DLGAP1: variants seen among roughly 807,000 people sequenced by gnomAD.
DLGAP1 encodes DLG associated protein 1, also known as disks large-associated protein 1.
A neutral mutation model predicts 90.8 loss-of-function variants in DLGAP1; 11 were observed. The observed-to-expected ratio is 0.12, with a 90% CI of 0.08 to 0.20. The LOEUF is 0.20. Ranked by LOEUF, DLGAP1 falls within the 10% of genes least tolerant of loss-of-function variation. DLGAP1 has a pLI of 1.00. For synonymous variants in DLGAP1, 558 were observed against 540.7 expected, an observed-to-expected ratio of 1.03 and a Z score of -0.44; for missense variants, 1,050 against 1,333.8, an observed-to-expected ratio of 0.79 and a Z score of 3.31.
intron 5 of DLGAP1, among the ~76,000 whole-genome samples, chr18:3,751,358 G>A (rs915557752): frequency 1.3e-5 from 2 of 150,178 alleles, no homozygotes; most frequent in African/African-American, 2.5e-5. Context: ...GTGCAATGGT[G>A]CTATCACAGC....
At chr18:4,092,604 G>A (rs2075787812) in intron 2 of DLGAP1, among the ~76,000 whole-genome samples, 1 of 152,088 alleles carries the variant, frequency 6.6e-6, no homozygotes, top group Non-Finnish European at 1.5e-5. Flanking sequence ...TAACCAAAAT[G>A]GGTCATACTT....
chr18:3,631,137 C>T (rs555494399), intron 7 of DLGAP1, among the ~76,000 whole-genome samples: 7 of 151,742 alleles, frequency 4.6e-5, no homozygotes, highest in South Asian at 2.1e-4. Flanking sequence ...TGTGCCAGCA[C>T]GCCCAGTTAA....
Position 3,858,691 on chromosome 18 carries a change from A to G in DLGAP1, c.957+20421T>C, listed in dbSNP as rs1034376370. Reference sequence around the variant, plus strand: ...CTGATAAAAATTTCAAATAAGAAGCAGCAAATATGTTACTCATAGGCAAAG... The same window carrying G: ...CTGATAAAAATTTCAAATAAGAAGCGGCAAATATGTTACTCATAGGCAAAG... On this transcript the variant is annotated intron_variant, in intron 4 of 12. Transcript: ENST00000315677. 2.5e-4 allele frequency among the ~76,000 whole-genome samples: 38 copies of G among 152,266 alleles called. 1 individual carries two copies. In the South Asian group the frequency reaches 7.3e-3, roughly 29 times the overall value.
At chr18:4,047,988 G>A (rs1019830448) in intron 2 of DLGAP1, among the ~76,000 whole-genome samples, 6 of 151,928 alleles carry the variant, frequency 3.9e-5, no homozygotes, top group African/African-American at 1.2e-4. Context: ...TTGTAGAGAC[G>A]GGGTCTCACT....
chr18:3,691,382 G>A (rs7239981), intron 7 of DLGAP1, among the ~76,000 whole-genome samples: 2,384 of 150,536 alleles, frequency 0.016, 88 homozygotes, highest in East Asian at 0.14. Flanking sequence ...GAGCTACATC[G>A]CGCCACTGCA....
chr18:3,826,834 T>C (rs2067743758), intron 4 of DLGAP1, among the ~76,000 whole-genome samples: 1 of 152,090 alleles, frequency 6.6e-6, no homozygotes, highest in Non-Finnish European at 1.5e-5. Flanking sequence ...TCAGAGACCC[T>C]TGGAGGCTCA....
intron 7 of DLGAP1, among the ~76,000 whole-genome samples, chr18:3,690,282 T>C (rs1160781453): frequency 6.6e-6 from 1 of 152,026 alleles, no homozygotes; most frequent in Non-Finnish European, 1.5e-5. Flanking sequence ...AGTTGGGGTC[T>C]TGCCATGTTG....
chr18:3,864,265 TTCTATTCA>T (rs943757797), intron 4 of DLGAP1, among the ~76,000 whole-genome samples: 3 of 152,212 alleles, frequency 2.0e-5, no homozygotes, highest in African/African-American at 7.2e-5. Flanking sequence ...CAACGCTTAG[TTCTATTCA>T]TCTATTCATC....
intron 4 of DLGAP1, among the ~76,000 whole-genome samples, chr18:3,841,826 A>C (rs894922713): frequency 2.0e-5 from 3 of 152,098 alleles, no homozygotes; most frequent in Non-Finnish European, 4.4e-5. Context: ...GAGAGAATTC[A>C]CTCTGTGCCA....
At chr18:3,833,130 A>ATTCATTCCTTCC (rs2068127110) in intron 4 of DLGAP1, among the ~76,000 whole-genome samples, 1 of 107,396 alleles carries the variant, frequency 9.3e-6, no homozygotes, top group Non-Finnish European at 1.9e-5. Context: ...GAATTATAAG[A>ATTCATTCCTTCC]TTCCTTCCTT....
intron 3 of DLGAP1, among the ~76,000 whole-genome samples, chr18:3,935,031 T>C (rs1260427066): frequency 6.6e-6 from 1 of 152,212 alleles, no homozygotes; most frequent in African/African-American, 2.4e-5. Flanking sequence ...TGGAACAAAA[T>C]CATCCGCCTA....
chr18:4,046,337 T>A (rs981278), intron 2 of DLGAP1, among the ~76,000 whole-genome samples: 152,252 of 152,344 alleles, frequency 1, 76,082 homozygotes, highest in Middle Eastern at 1. Context: ...TATAGACCAC[T>A]AGTGAGTAGG....
intron 7 of DLGAP1, chr18:3,656,071 T>C: frequency 6.5e-7 from 1 of 1,542,224 alleles, no homozygotes; most frequent in Non-Finnish European, 8.7e-7. Flanking sequence ...ATTTTGTGGT[T>C]GTAAAAACAT....
chr18:4,398,182 T>C (rs2082477894), intron 1 of DLGAP1, among the ~76,000 whole-genome samples: 1 of 152,190 alleles, frequency 6.6e-6, no homozygotes, highest in Non-Finnish European at 1.5e-5. Context: ...AGATAAGGCA[T>C]ATCTATGAAA....
chr18:4,243,144 A>G (rs559491457), intron 1 of DLGAP1, among the ~76,000 whole-genome samples: 1 of 125,614 alleles, frequency 8.0e-6, no homozygotes, highest in Admixed American at 8.3e-5. Flanking sequence ...TTGGACACCT[A>G]AAACACCAGT....
intron 1 of DLGAP1, among the ~76,000 whole-genome samples, chr18:4,449,110 G>A (rs1279286858): frequency 1.3e-5 from 2 of 152,124 alleles, no homozygotes; most frequent in African/African-American, 2.4e-5. Context: ...CAGACTCAAT[G>A]GAGACACAAA....
intron 3 of DLGAP1, among the ~76,000 whole-genome samples, chr18:3,954,942 G>C (rs2073055836): frequency 1.3e-5 from 2 of 152,302 alleles, no homozygotes; most frequent in South Asian, 4.1e-4. Flanking sequence ...TTAGAAGACA[G>C]GGAGGAGAGT....
intron 3 of DLGAP1, among the ~76,000 whole-genome samples, chr18:3,887,081 T>G (rs1411655409): frequency 6.6e-6 from 1 of 152,228 alleles, no homozygotes; most frequent in African/African-American, 2.4e-5. Flanking sequence ...TGTTTCCTTA[T>G]CTTATCAAGT....
At chr18:4,011,367 A>T (rs1452540431) in intron 2 of DLGAP1, among the ~76,000 whole-genome samples, 1 of 152,054 alleles carries the variant, frequency 6.6e-6, no homozygotes, top group East Asian at 1.9e-4. Flanking sequence ...AGAAGACTTG[A>T]TGTAGGTAAA....
Sources: gnomAD v4.1 joint callset for allele counts (sites outside exome capture counted in the v4.1 genomes callset) on GRCh38, gnomAD v4.1.1 for gene constraint, MANE v1.5 for transcripts, NCBI Gene and HGNC (gene_info 2026-07-23, HGNC 2026-07-21) for gene names.